FGFR2: variants seen among roughly 807,000 people sequenced by gnomAD.
FGFR2 encodes the protein fibroblast growth factor receptor 2, also known as BEK fibroblast growth factor receptor.
A neutral mutation model predicts 95.9 loss-of-function variants in FGFR2; 19 were observed. The observed-to-expected ratio is 0.20, with a 90% CI of 0.14 to 0.29. The LOEUF is 0.29. Ranked by LOEUF, FGFR2 falls within the 10% of genes least tolerant of loss-of-function variation. The pLI, the probability that FGFR2 is intolerant of heterozygous loss-of-function variation, is 1.00. For missense variants in FGFR2, 707 were observed against 1,056.9 expected (o/e 0.67, Z 4.59); for synonymous variants, 392 against 393.3 (o/e 1.00, Z 0.04).
chr10:121,596,885 T>A (rs893893386), intron 1 of FGFR2, among the ~76,000 whole-genome samples: 1 of 151,782 alleles, frequency 6.6e-6, no homozygotes, highest in Admixed American at 6.6e-5. Flanking sequence ...GAGGGGCGCC[T>A]GATTGCTTTT....
At chr10:121,569,031 T>C (rs914171662) in intron 2 of FGFR2, among the ~76,000 whole-genome samples, 1 of 152,158 alleles carries the variant, frequency 6.6e-6, no homozygotes, top group African/African-American at 2.4e-5. Context: ...TACTGGTTTA[T>C]TATTGGTAAG....
At position 121,490,154 on chromosome 10, in the gene FGFR2, C is replaced by CTTT. The variant is rs55633189; in HGVS notation, c.1864-2044_1864-2042dup. Among the ~76,000 whole-genome samples the CTTT allele has an allele frequency of 4.6e-3, 369 of 80,028 alleles. 17 individuals are homozygous for CTTT. Among genetic ancestry groups the CTTT allele is most frequent in the African/African-American group, 0.018 (352 of 19,410 alleles). 52.5% of individuals were successfully genotyped at this position (80,028 alleles called of 152,430 possible). ...GATCTAGCTATTACGACTTTTCCTT[C>CTTT]TTTTTTTTTTTTTTTTTTTTTTTTT... is the stretch of plus-strand genomic sequence containing the variant. On this transcript the variant is annotated intron_variant, in intron 13 of 17. Transcript: ENST00000358487.
Position 121,524,146 on chromosome 10 carries a change from A to ACACACCCCCC in FGFR2, c.749-3978_749-3977insGGGGGGTGTG, listed in dbSNP as rs142755962. Among the ~76,000 whole-genome samples the ACACACCCCCC allele has an allele frequency of 2.7e-3, 374 of 136,782 alleles. 2 individuals carry two copies. Among genetic ancestry groups the ACACACCCCCC allele is most frequent in the Non-Finnish European group, 4.7e-3 (305 of 64,488 alleles). 89.7% of individuals were successfully genotyped at this position (136,782 alleles called of 152,430 possible). Reference sequence around the variant, plus strand: ...CACACACACACACACACACACACACACCCCAAGTTTGCAATGGTTTAATGT... The same window carrying ACACACCCCCC: ...CACACACACACACACACACACACACACACACCCCCCCCCCAAGTTTGCAATGGTTTAATGT... On this transcript the variant is annotated intron_variant, in intron 6 of 17. Coordinates refer to ENST00000358487, the MANE Select transcript of FGFR2 (RefSeq NM_000141.5).
At position 121,598,288 on chromosome 10, in the gene FGFR2, C is replaced by A. The variant is rs1488947019; in HGVS notation, c.-477G>T. ...AGCTGCGGCCTCGGGGCCCCCGGGGCTCGCGGCCGGCCCCCGCCAGCCCGG... is the reference window on the plus strand; with the variant it reads ...AGCTGCGGCCTCGGGGCCCCCGGGGATCGCGGCCGGCCCCCGCCAGCCCGG... On this transcript the variant is annotated 5_prime_UTR_variant, in exon 1 of 18. Transcript: ENST00000358487. The A allele has an allele frequency of 2.7e-5, 10 of 375,520 alleles. No homozygotes were observed. Among genetic ancestry groups the A allele is most frequent in the Non-Finnish European group, 4.3e-5 (9 of 211,130 alleles). 23.3% of individuals were successfully genotyped at this position (375,520 alleles called of 1,614,324 possible). A position where few individuals can be genotyped will look rare whatever the true frequency, so the allele number is the denominator to read the frequency against.
rs151014124 is a variant in FGFR2 at position 121,531,920 on chromosome 10, C to T, written c.748+6672G>A. 1.4e-3 allele frequency among the ~76,000 whole-genome samples: 217 copies of T among 152,272 alleles called. No homozygotes were observed. The highest frequency in any genetic ancestry group is 2.2e-3 in the Admixed American group (34 of 15,300). ...AGGTGCTTCCTCCTCAACTCCGCTC[C>T]GGTTCCGTGATCTGTCAACTAAATA... On this transcript the variant is annotated intron_variant, in intron 6 of 17. Coordinates refer to ENST00000358487, the MANE Select transcript of FGFR2 (RefSeq NM_000141.5). The surrounding 1 kb of genome is among the most constrained non-coding windows in gnomAD (Gnocchi z 4.5).
At chr10:121,480,352 T>C (rs551650621) in intron 17 of FGFR2, 63 of 437,712 alleles carry the variant, frequency 1.4e-4, no homozygotes, top group African/African-American at 1.1e-3. Context: ...AGTTGAGCTA[T>C]AGGTGCTGGG....
In FGFR2 at chr10:121,518,564, T is replaced by C; in HGVS notation, c.940-1101A>G. 1 of 1,138,986 alleles carries C rather than the reference T, an allele frequency of 8.8e-7. No individual in the cohort carries two copies. The highest frequency in any genetic ancestry group is 1.4e-5 in the South Asian group (1 of 70,852). 70.6% of individuals were successfully genotyped at this position (1,138,986 alleles called of 1,614,324 possible). A position where few individuals can be genotyped will look rare whatever the true frequency, so the allele number is the denominator to read the frequency against. ...CACCGAAGAAAGATTATTATAAATA[T>C]ACCAAGGCCACAAGAGTTATCCTAT... On this transcript the variant is annotated intron_variant, in intron 7 of 17. Coordinates refer to ENST00000358487, the MANE Select transcript of FGFR2 (RefSeq NM_000141.5). The surrounding 1 kb of genome is among the most constrained non-coding windows in gnomAD (Gnocchi z 4.0).
intron 15 of FGFR2, among the ~76,000 whole-genome samples, chr10:121,486,630 C>T (rs917894614): frequency 6.6e-6 from 1 of 152,110 alleles, no homozygotes; most frequent in South Asian, 2.1e-4. Flanking sequence ...TTAGTAGAGA[C>T]GGGGTTTCAC....
At chr10:121,482,139 C>G (rs2133735987) in intron 17 of FGFR2, 1 of 1,611,116 alleles carries the variant, frequency 6.2e-7, no homozygotes, top group Non-Finnish European at 8.5e-7. Context: ...GCCTGACCAA[C>G]TTTTCCCAGT....
At chr10:121,506,955 A>G (rs1263475219) in intron 9 of FGFR2, among the ~76,000 whole-genome samples, 1 of 152,254 alleles carries the variant, frequency 6.6e-6, no homozygotes, top group Non-Finnish European at 1.5e-5. Context: ...AACGGAAAAG[A>G]AAACGAAGGG....
chr10:121,591,009 ACACT>A (rs1258119295), intron 2 of FGFR2, among the ~76,000 whole-genome samples: 146 of 142,396 alleles, frequency 1.0e-3, no homozygotes, highest in Admixed American at 1.4e-3. Context: ...ACACACACGC[ACACT>A]CTCTCTCTCT....
chr10:121,500,146 C>T (rs1333411790), intron 11 of FGFR2, among the ~76,000 whole-genome samples: 4 of 152,226 alleles, frequency 2.6e-5, no homozygotes, highest in Non-Finnish European at 5.9e-5. Flanking sequence ...TACTGCAGGA[C>T]GAATAAGTTA....
intron 2 of FGFR2, among the ~76,000 whole-genome samples, chr10:121,581,076 A>C (rs555283376): frequency 1.5e-4 from 23 of 152,314 alleles, no homozygotes; most frequent in African/African-American, 5.5e-4. Context: ...AAACTCTGCC[A>C]ATTAGAGGTA....
intron 6 of FGFR2, among the ~76,000 whole-genome samples, chr10:121,523,854 T>C (rs1850909801): frequency 6.6e-6 from 1 of 152,192 alleles, no homozygotes; most frequent in African/African-American, 2.4e-5. Context: ...CTTAAACATA[T>C]TTGTTTCTAA....
intron 12 of FGFR2, among the ~76,000 whole-genome samples, chr10:121,497,159 A>G (rs1041576085): frequency 5.3e-5 from 8 of 151,764 alleles, no homozygotes; most frequent in African/African-American, 1.9e-4. Context: ...AGAAGAAGAA[A>G]AAAGAAAAAG....
intron 5 of FGFR2, among the ~76,000 whole-genome samples, chr10:121,548,909 T>C (rs1230864340): frequency 1.3e-5 from 2 of 152,166 alleles, no homozygotes; most frequent in Admixed American, 6.5e-5. Flanking sequence ...AGATTTCTTT[T>C]AAAAGGGCCA....
chr10:121,494,984 T>C (rs987900931), intron 13 of FGFR2, among the ~76,000 whole-genome samples: 1 of 152,194 alleles, frequency 6.6e-6, no homozygotes, highest in African/African-American at 2.4e-5. Flanking sequence ...ATCCCACTTT[T>C]ACACTTAGGA....
rs71865754 is a variant in FGFR2 at position 121,565,176 on chromosome 10, C to CAAA, written c.376+259_376+261dup. On this transcript the variant is annotated intron_variant, in intron 3 of 17. Transcript: ENST00000358487. ...CTAAATGCCAGAGATGTCAGTGGTA[C>CAAA]AAAAAAAAAAAAAAAAAAGCATGTA... Among the ~76,000 whole-genome samples the CAAA allele has an allele frequency of 0.018, 1,734 of 97,904 alleles. 99 individuals are homozygous for CAAA. Among genetic ancestry groups the CAAA allele is most frequent in the East Asian group, 0.072 (251 of 3,470 alleles). The allele number at this position is 97,904 out of a possible 152,430, so 64.2% of individuals were successfully genotyped here.
chr10:121,577,792 G>C (rs1188454966), intron 2 of FGFR2, among the ~76,000 whole-genome samples: 1 of 151,978 alleles, frequency 6.6e-6, no homozygotes, highest in Non-Finnish European at 1.5e-5. Flanking sequence ...CACCTGCCCG[G>C]GGGGAGGAAA....
Sources: allele counts gnomAD v4.1 joint callset (sites outside exome capture counted in the v4.1 genomes callset), GRCh38; gene constraint gnomAD v4.1.1; non-coding constraint Gnocchi (gnomAD v3.1); transcripts MANE v1.5; gene names NCBI Gene and HGNC (gene_info 2026-07-23, HGNC 2026-07-21).